The following ZC3H7B variants were observed in gnomAD, a reference collection of about 807,000 sequenced individuals.
ZC3H7B encodes zinc finger CCCH-type containing 7B.
Under a neutral mutation model 116.0 loss-of-function variants are expected in ZC3H7B, and 35 were observed. That is an observed-to-expected ratio of 0.30 (90% confidence interval 0.23 to 0.40). The LOEUF (loss-of-function observed/expected upper bound fraction) is 0.40. ZC3H7B is among the 10% of genes least tolerant of loss of function. The pLI is 1.00. For missense variants in ZC3H7B, 1,011 were observed against 1,321.5 expected, an observed-to-expected ratio of 0.77 and a Z score of 3.64; for synonymous variants, 502 against 545.6, an observed-to-expected ratio of 0.92 and a Z score of 1.11.
rs1601754212 is a variant in ZC3H7B, at chr22:41,302,086, C to G, written c.-7+314C>G. ...GAGACTTGGCCGCCCCTGCAGCCCC[C>G]AGGAGGTGTCTTGAAATTTTCGTGG... On this transcript the variant is annotated intron_variant, in intron 1 of 22. Transcript: ENST00000352645. The surrounding 1 kb of genome is among the most constrained non-coding windows in gnomAD (Gnocchi z 5.7). Among the ~76,000 whole-genome samples, 1 of 152,198 alleles carries G rather than the reference C, an allele frequency of 6.6e-6. No homozygotes were observed. Among genetic ancestry groups the G allele is most frequent in the East Asian group, 1.9e-4 (1 of 5,158 alleles).
At position 41,349,585 on chromosome 22, in the gene ZC3H7B, C is replaced by T. The variant is rs897590213; in HGVS notation, c.1948+284C>T. On this transcript the variant is annotated intron_variant, in intron 16 of 22. Coordinates refer to ENST00000352645, the MANE Select transcript of ZC3H7B (RefSeq NM_017590.6). This position sits in a 1 kb window ranked among gnomAD's most constrained non-coding sequence, Gnocchi z 4.9. ...GGAGCACGGAGAGGGGAGAGGAGCA[C>T]CTGGGCTCCTGCAGCAGGACCTCTG... Among the ~76,000 whole-genome samples, 4 of 152,126 alleles carry T rather than the reference C, an allele frequency of 2.6e-5. No individual in the cohort carries two copies. The highest frequency in any genetic ancestry group is 1.3e-4 in the Admixed American group (2 of 15,270).
intron 1 of ZC3H7B, among the ~76,000 whole-genome samples, chr22:41,315,454 A>G (rs2036170945): frequency 6.8e-6 from 1 of 147,706 alleles, no homozygotes. Flanking sequence ...CCTCCCAATT[A>G]CAGGTATGAG....
chr22:41,304,949 G>T (rs1325638069), intron 1 of ZC3H7B, among the ~76,000 whole-genome samples: 8 of 152,128 alleles, frequency 5.3e-5, no homozygotes, highest in African/African-American at 1.9e-4. Context: ...AACAGGGACT[G>T]TCCTATAATC....
At chr22:41,312,541 G>A (rs1312709192) in intron 1 of ZC3H7B, among the ~76,000 whole-genome samples, 1 of 151,904 alleles carries the variant, frequency 6.6e-6, no homozygotes, top group East Asian at 1.9e-4. Context: ...AGTGAGCCAC[G>A]ATGGTGCCAC....
rs141003523 is a variant in ZC3H7B at position 41,327,244 on chromosome 22, G to T, written c.324G>T (p.Ala108=). Residue 108 remains alanine, a synonymous_variant, in exon 5 of 23, where the codon GCG becomes GCT. Coordinates refer to ENST00000352645, the MANE Select transcript of ZC3H7B (RefSeq NM_017590.6). This position sits in a 1 kb window ranked among gnomAD's most constrained non-coding sequence, Gnocchi z 4.5. ...YEKALEDSEK[A]LGLDSESIRA... is the part of the protein sequence containing the mutation. Reference sequence around the variant, plus strand: ...AGGCGCTGGAGGACAGCGAGAAGGCGCTGGGCCTGGACAGTGAGAGTATCC... The same window carrying T: ...AGGCGCTGGAGGACAGCGAGAAGGCTCTGGGCCTGGACAGTGAGAGTATCC... 6.2e-7 allele frequency: 1 copy of T among 1,614,054 alleles called. No individual in the cohort carries two copies. The highest frequency in any genetic ancestry group is 8.5e-7 in the Non-Finnish European group (1 of 1,180,042).
At chr22:41,329,559 A>G (rs1291980594) in intron 5 of ZC3H7B, among the ~76,000 whole-genome samples, 2 of 152,070 alleles carry the variant, frequency 1.3e-5, no homozygotes, top group East Asian at 3.9e-4. Flanking sequence ...GTGCCCAGCC[A>G]GAAGTAAGCA....
chr22:41,353,163 CACT>C (rs1001571334), intron 17 of ZC3H7B, among the ~76,000 whole-genome samples: 14 of 152,164 alleles, frequency 9.2e-5, no homozygotes. Context: ...GGACTGACAC[CACT>C]GATTGTGGTA....
chr22:41,323,056 G>A (rs1193671681), intron 2 of ZC3H7B, among the ~76,000 whole-genome samples: 2 of 152,284 alleles, frequency 1.3e-5, no homozygotes, highest in African/African-American at 2.4e-5. Flanking sequence ...CTTCCTCAGC[G>A]CACAACGCAG....
In ZC3H7B at chr22:41,339,890, C is replaced by A. The variant is rs200501109; in HGVS notation, c.891C>A (p.Gly297=). 1.2e-6 allele frequency: 2 copies of A among 1,613,590 alleles called. No individual in the cohort carries two copies. The highest frequency in any genetic ancestry group is 1.7e-5 in the Admixed American group (1 of 59,964). Residue 297 remains glycine, a synonymous_variant, in exon 10 of 23, where the codon GGC becomes GGA. Coordinates refer to ENST00000352645, the MANE Select transcript of ZC3H7B (RefSeq NM_017590.6). ...CCCAGCTGATACCCGTGTTCCCCGGCGGGACCCCACTGCTACCACCTGTGG... is the reference window on the plus strand; with the variant it reads ...CCCAGCTGATACCCGTGTTCCCCGGAGGGACCCCACTGCTACCACCTGTGG... ...ELPQLIPVFP[G]GTPLLPPVVG...
Position 41,357,750 on chromosome 22 carries a change from TGGG to T in ZC3H7B, c.*324_*326del. 1 of 382,132 alleles carries T rather than the reference TGGG, an allele frequency of 2.6e-6. No individual in the cohort carries two copies. Among genetic ancestry groups the T allele is most frequent in the South Asian group, 3.3e-5 (1 of 30,340 alleles). The allele number at this position is 382,132 out of a possible 1,614,324, so 23.7% of individuals were successfully genotyped here. ...AGCTTTAACTTCTGTCTGCTCCTAA[TGGG>T]GGCCCAAAGCTCAGGGCTGGGGAGC... On this transcript the variant is annotated 3_prime_UTR_variant, in exon 23 of 23. Coordinates refer to ENST00000352645, the MANE Select transcript of ZC3H7B (RefSeq NM_017590.6). This position sits in a 1 kb window ranked among gnomAD's most constrained non-coding sequence, Gnocchi z 5.4.
At chr22:41,332,132 A>G (rs747757141) in intron 6 of ZC3H7B, 39 bp from the exon 7 acceptor site, 6 of 1,611,824 alleles carry the variant, frequency 3.7e-6, no homozygotes, top group Non-Finnish European at 8.5e-7. Flanking sequence ...ATCTTTTCAG[A>G]ATCTTTACCT....
intron 6 of ZC3H7B, 53 bp from the exon 7 acceptor site, chr22:41,332,118 G>T: frequency 6.2e-7 from 1 of 1,604,534 alleles, no homozygotes; most frequent in South Asian, 1.1e-5. Context: ...AGGGGACCTT[G>T]AGCATCTTTT....
At chr22:41,325,685 A>G in intron 3 of ZC3H7B, 36 bp from the exon 4 acceptor site, 2 of 1,608,400 alleles carry the variant, frequency 1.2e-6, no homozygotes, top group Non-Finnish European at 1.7e-6. Flanking sequence ...CTGGGGCCAG[A>G]GGTCATGAGC....
At chr22:41,314,316 C>T (rs2036154186) in intron 1 of ZC3H7B, among the ~76,000 whole-genome samples, 1 of 151,632 alleles carries the variant, frequency 6.6e-6, no homozygotes, top group African/African-American at 2.4e-5. Flanking sequence ...GCCACCAAGC[C>T]TGGCTACTTT....
intron 9 of ZC3H7B, among the ~76,000 whole-genome samples, chr22:41,339,401 G>T (rs969831440): frequency 6.6e-6 from 1 of 152,132 alleles, no homozygotes; most frequent in African/African-American, 2.4e-5. Flanking sequence ...CCAAGGCAGC[G>T]GATTACTTGA....
Position 41,359,141 on chromosome 22 carries a change from G to C in ZC3H7B, c.*1712G>C, listed in dbSNP as rs1413219593. On this transcript the variant is annotated 3_prime_UTR_variant, in exon 23 of 23. Transcript: ENST00000352645. ...GGGTGCTGGTGGTGTGGCTGTAGGGGAGGGGAGACCACACCCAAGGTGGGG... is the reference window on the plus strand; with the variant it reads ...GGGTGCTGGTGGTGTGGCTGTAGGGCAGGGGAGACCACACCCAAGGTGGGG... 6.5e-6 allele frequency: 1 copy of C among 152,884 alleles called. No individual in the cohort carries two copies. The highest frequency in any genetic ancestry group is 1.5e-5 in the Non-Finnish European group (1 of 68,240). The allele number at this position is 152,884 out of a possible 1,614,324, so 9.5% of individuals were successfully genotyped here.
intron 13 of ZC3H7B, 132 bp from the exon 14 acceptor site, chr22:41,345,871 G>C: frequency 1.1e-6 from 1 of 884,940 alleles, no homozygotes; most frequent in Non-Finnish European, 1.8e-6. Flanking sequence ...GGCTCACCTA[G>C]CTGTGTTGGG....
In ZC3H7B at chr22:41,356,047, A is replaced by G. The variant is rs752511780; in HGVS notation, c.2368A>G (p.Met790Val). The G allele has an allele frequency of 6.4e-7, 1 of 1,567,826 alleles. No homozygotes were observed. The highest frequency in any genetic ancestry group is 1.2e-5 in the South Asian group (1 of 83,816). Residue 790 changes from methionine (M) to valine (V), a missense_variant, in exon 20 of 23, where the codon ATG becomes GTG. This residue lies in a region of ZC3H7B where 406 missense variants were observed against 590.2 expected (regional missense o/e 0.69). Coordinates refer to ENST00000352645, the MANE Select transcript of ZC3H7B (RefSeq NM_017590.6). ...SPEERDMWTFMKENKILDMQQ... is the reference protein window; with the variant it reads ...SPEERDMWTFVKENKILDMQQ... ...GGAGGAGAGGGACATGTGGACCTTC[A>G]TGAAGGAGAACAAGAGTGAGTGGGC...
In ZC3H7B at chr22:41,339,963, G is replaced by A; in HGVS notation, c.964G>A (p.Gly322Ser). 1.2e-6 allele frequency: 2 copies of A among 1,612,372 alleles called. No homozygotes were observed. The highest frequency in any genetic ancestry group is 1.7e-6 in the Non-Finnish European group (2 of 1,179,966). ...CAGCCCACTGCCCCCCGCCTCCTTC[G>A]GCTTGGTCATGGACCCCTCCAAGAA... ...VSSPLPPASF[G>S]LVMDPSKKLA... Residue 322 changes from glycine to serine, a missense_variant, in exon 10 of 23, where the codon GGC becomes AGC. Around this residue, in one of 5 missense-constraint regions of ZC3H7B, gnomAD observed 322 missense variants for 443.9 expected, o/e 0.73. Transcript: ENST00000352645.
Sources: gnomAD v4.1 joint callset for allele counts (sites outside exome capture counted in the v4.1 genomes callset) on GRCh38, gnomAD v4.1.1 for gene constraint, gnomAD v4.1.1 regional missense constraint, Gnocchi (gnomAD v3.1) non-coding constraint, MANE v1.5 for transcripts, NCBI Gene and HGNC (gene_info 2026-07-23, HGNC 2026-07-21) for gene names.